The following SPIC variants were observed in gnomAD, a reference collection of about 807,000 sequenced individuals.
SPIC encodes the protein Spi-C transcription factor.
In SPIC, 9 loss-of-function variants were observed where a neutral mutation model predicts 16.7. That is an observed-to-expected ratio of 0.54 (90% CI 0.33 to 0.94). SPIC has a LOEUF of 0.94. Among genes scored for constraint, SPIC ranks in the 40% least tolerant of loss-of-function variants. The pLI is 0.03. For missense variants in SPIC, 241 were observed against 285.8 expected, an observed-to-expected ratio of 0.84 and a Z score of 1.13; for synonymous variants, 97 against 102.9, an observed-to-expected ratio of 0.94 and a Z score of 0.35.
At chr12:101,484,255 T>C (rs758216326) in intron 5 of SPIC, among the ~76,000 whole-genome samples, 41 of 152,000 alleles carry the variant, frequency 2.7e-4, no homozygotes, top group Non-Finnish European at 5.1e-4. Context: ...AAGTAAATTC[T>C]GGGCATGGTG....
At position 101,477,601 on chromosome 12, in the gene SPIC, C is replaced by G; in HGVS notation, c.47C>G (p.Ala16Gly). The change falls in exon 3 of 6, where the codon GCT (alanine) becomes GGT (glycine). Residue 16 changes from alanine (A) to glycine (G), a missense_variant. By Grantham distance (60) the Ala-to-Gly change is moderately conservative. Transcript: ENST00000551346. ...AAGCTGGGTCAAGCATTTGAAGATGCTTTTGAGGTTCTGAGGCAACATTCA... is the reference window on the plus strand; with the variant it reads ...AAGCTGGGTCAAGCATTTGAAGATGGTTTTGAGGTTCTGAGGCAACATTCA... The part of the protein sequence containing the change: ...QDKLGQAFED[A>G]FEVLRQHSTG... 6.2e-7 allele frequency: 1 copy of G among 1,613,876 alleles called. No individual in the cohort carries two copies. Among genetic ancestry groups the G allele is most frequent in the Non-Finnish European group, 8.5e-7 (1 of 1,179,974 alleles).
At chr12:101,479,219 A>AGAAAGAAG (rs1491303702) in intron 3 of SPIC, among the ~76,000 whole-genome samples, 18 of 83,362 alleles carry the variant, frequency 2.2e-4, no homozygotes, top group Non-Finnish European at 4.7e-4. Context: ...AAAGAAAGAA[A>AGAAAGAAG]GAAGGAAAGA....
rs758379521 is a variant in SPIC at position 101,477,596 on chromosome 12, A to G, written c.42A>G (p.Glu14=). 9.3e-6 allele frequency: 15 copies of G among 1,613,986 alleles called. No homozygotes were observed. The highest frequency in any genetic ancestry group is 7.7e-5 in the South Asian group (7 of 91,074). ...VEQDKLGQAF[E]DAFEVLRQHS... ...AAGACAAGCTGGGTCAAGCATTTGAAGATGCTTTTGAGGTTCTGAGGCAAC... is the reference window on the plus strand; with the variant it reads ...AAGACAAGCTGGGTCAAGCATTTGAGGATGCTTTTGAGGTTCTGAGGCAAC... The change falls in exon 3 of 6, where the codon GAA becomes GAG. Residue 14 remains glutamate, a synonymous_variant. Coordinates refer to ENST00000551346, the MANE Select transcript of SPIC (RefSeq NM_152323.3).
At chr12:101,479,307 AAAAG>A (rs5800473) in intron 3 of SPIC, among the ~76,000 whole-genome samples, 3,612 of 88,090 alleles carry the variant, frequency 0.041, 170 homozygotes, top group Middle Eastern at 0.06. Context: ...AAAGAAAGAA[AAAAG>A]AAAGAAAGAA....
intron 3 of SPIC, among the ~76,000 whole-genome samples, chr12:101,479,307 A>AAAGAAAGAAAGAAAG (rs1555209048): frequency 3.4e-5 from 3 of 88,162 alleles, no homozygotes; most frequent in Admixed American, 1.1e-4. Context: ...AAAGAAAGAA[A>AAAGAAAGAAAGAAAG]AAAGAAAGAA....
chr12:101,486,093 G>T (rs1289646276), intron 5 of SPIC, among the ~76,000 whole-genome samples: 1 of 152,160 alleles, frequency 6.6e-6, no homozygotes, highest in Non-Finnish European at 1.5e-5. Context: ...GAGCCATCAC[G>T]CCCGGCCAGG....
chr12:101,480,792 AC>A (rs1242773709), intron 4 of SPIC, among the ~76,000 whole-genome samples: 1 of 152,122 alleles, frequency 6.6e-6, no homozygotes, highest in Non-Finnish European at 1.5e-5. Flanking sequence ...TTCGAGACCA[AC>A]CTGGGCAACA....
intron 3 of SPIC, among the ~76,000 whole-genome samples, chr12:101,479,093 C>A (rs561506106): frequency 6.9e-6 from 1 of 144,804 alleles, no homozygotes; most frequent in South Asian, 2.1e-4. Context: ...ACCGAAATAA[C>A]GTGGCCGCAC....
intron 5 of SPIC, among the ~76,000 whole-genome samples, chr12:101,483,371 A>G (rs1873268717): frequency 6.6e-6 from 1 of 152,158 alleles, no homozygotes. Flanking sequence ...TTCAGGGACA[A>G]TAACACATAG....
rs371586950 is a variant in SPIC, at chr12:101,479,615, G to C, written c.131G>C (p.Arg44Pro). Reference protein sequence around the residue: ...YRNYLALINHRPHVKGNSSCY... With the variant: ...YRNYLALINHPPHVKGNSSCY... The stretch of plus-strand genomic sequence containing the variant: ...AATTACCTGGCTTTAATCAACCATC[G>C]TCCTCATGTCAAAGGAAATTCCAGC... Residue 44 changes from arginine to proline, a missense_variant, in exon 4 of 6, where the codon CGT (arginine) becomes CCT (proline). Arg to Pro is a moderately radical substitution (Grantham distance 103). Transcript: ENST00000551346. 1 of 1,613,100 alleles carries C rather than the reference G, an allele frequency of 6.2e-7. No homozygotes were observed. The highest frequency in any genetic ancestry group is 2.2e-5 in the East Asian group (1 of 44,850).
At chr12:101,476,459 C>T (rs569526432) in intron 1 of SPIC, among the ~76,000 whole-genome samples, 4 of 151,932 alleles carry the variant, frequency 2.6e-5, no homozygotes, top group Non-Finnish European at 5.9e-5. Context: ...TTTAAAAAAG[C>T]CCTATTTTTA....
chr12:101,477,576 A>C lies in SPIC; in HGVS notation c.22A>C (p.Lys8Gln). The change falls in exon 3 of 6, where the codon AAG (lysine) becomes CAG (glutamine). Residue 8 changes from lysine to glutamine, a missense_variant. Physicochemically the swap from Lys to Gln is moderately conservative, Grantham distance 53. Transcript: ENST00000551346. MTCVEQD[K>Q]LGQAFEDAFE... ...CCAACAGACGTGTGTTGAACAAGAC[A>C]AGCTGGGTCAAGCATTTGAAGATGC... 1 of 1,614,132 alleles carries C rather than the reference A, an allele frequency of 6.2e-7. No homozygotes were observed. The highest frequency in any genetic ancestry group is 8.5e-7 in the Non-Finnish European group (1 of 1,180,010).
intron 3 of SPIC, among the ~76,000 whole-genome samples, chr12:101,478,016 TTTC>T (rs1256205592): frequency 6.7e-6 from 1 of 149,816 alleles, no homozygotes; most frequent in African/African-American, 2.4e-5. Flanking sequence ...AGACCTTTTT[TTTC>T]TTTTTTCTTT....
intron 4 of SPIC, 39 bp from the exon 5 acceptor site, chr12:101,482,753 G>C (rs776790442): frequency 1.3e-6 from 2 of 1,570,968 alleles, no homozygotes; most frequent in Admixed American, 1.8e-5. Flanking sequence ...GGGCAACAGG[G>C]AAAGTCTCAC....
Position 101,486,852 on chromosome 12 carries a change from C to T in SPIC, c.*81C>T, listed in dbSNP as rs1873383054. ...GATTTCTCCCTCCCTCTCTTTTTTT[C>T]CTCCTCTGAAGAAATTTAGGATTTT... On this transcript the variant is annotated 3_prime_UTR_variant, in exon 6 of 6. Coordinates refer to ENST00000551346, the MANE Select transcript of SPIC (RefSeq NM_152323.3). 1.6e-6 allele frequency: 2 copies of T among 1,227,666 alleles called. No individual in the cohort carries two copies. The highest frequency in any genetic ancestry group is 2.2e-6 in the Non-Finnish European group (2 of 909,174). The allele number at this position is 1,227,666 out of a possible 1,614,324, so 76.0% of individuals were successfully genotyped here.
At chr12:101,482,745 G>A (rs1243441779) in intron 4 of SPIC, 47 bp from the exon 5 acceptor site, 30 of 1,546,704 alleles carry the variant, frequency 1.9e-5, no homozygotes, top group Non-Finnish European at 2.6e-5. Context: ...ATAATAGGGG[G>A]CAACAGGGAA....
At chr12:101,481,177 C>T (rs1873184797) in intron 4 of SPIC, among the ~76,000 whole-genome samples, 1 of 138,434 alleles carries the variant, frequency 7.2e-6, no homozygotes, top group African/African-American at 2.8e-5. Flanking sequence ...TTTATTCTGC[C>T]TTCCCTTGGC....
intron 4 of SPIC, among the ~76,000 whole-genome samples, chr12:101,481,960 A>T (rs1197475556): frequency 7.9e-6 from 1 of 126,414 alleles, no homozygotes; most frequent in Non-Finnish European, 1.7e-5. Flanking sequence ...GCGTACAAAA[A>T]GGCCAGGCAC....
intron 1 of SPIC, among the ~76,000 whole-genome samples, chr12:101,476,550 C>T (rs907500689): frequency 1.3e-5 from 2 of 151,942 alleles, no homozygotes; most frequent in Admixed American, 1.3e-4. Context: ...CTTATATATA[C>T]TTTTGAGTTA....
Sources: gnomAD v4.1 joint callset for allele counts (sites outside exome capture counted in the v4.1 genomes callset) on GRCh38, gnomAD v4.1.1 for gene constraint, MANE v1.5 for transcripts, NCBI Gene and HGNC (gene_info 2026-07-23, HGNC 2026-07-21) for gene names.